SYNPR: variants seen among roughly 807,000 people sequenced by gnomAD.
SYNPR encodes the protein synaptoporin.
SYNPR carries 23 observed loss-of-function variants against 32.9 expected under a neutral mutation model. That is an observed-to-expected ratio of 0.70 (90% confidence interval 0.50 to 0.99). The LOEUF is 0.99. SYNPR is among the 50% of genes least tolerant of loss of function. SYNPR has a pLI of 0.00. For synonymous variants in SYNPR, 146 were observed against 135.9 expected, an observed-to-expected ratio of 1.07 and a Z score of -0.52; for missense variants, 318 against 349.3, an observed-to-expected ratio of 0.91 and a Z score of 0.71.
At chr3:63,396,248 A>G (rs2088211095) in intron 2 of SYNPR, among the ~76,000 whole-genome samples, 1 of 152,246 alleles carries the variant, frequency 6.6e-6, no homozygotes, top group Non-Finnish European at 1.5e-5. Context: ...ATTCATCCAT[A>G]TCACAAGGTT....
In SYNPR at chr3:63,244,815, G is replaced by A. The variant is rs1487414223; in HGVS notation, n.67-7684G>A. On this transcript the variant is annotated intron_variant and non_coding_transcript_variant, in intron 1 of 4. Transcript: ENST00000478456. ...AAAAATAGCTTTCGCTGTCTGCACG[G>A]CTTTTCTTATTTGTATTCTAAGTAA... Among the ~76,000 whole-genome samples, 5 of 152,124 alleles carry A rather than the reference G, an allele frequency of 3.3e-5. No individual in the cohort carries two copies. The East Asian group carries it at 9.7e-4, about 29-fold the overall frequency.
chr3:63,232,277 C>T (rs942245815), intron 1 of SYNPR, among the ~76,000 whole-genome samples: 1 of 134,152 alleles, frequency 7.5e-6, no homozygotes, highest in African/African-American at 2.8e-5. Flanking sequence ...TCTTGGCTCA[C>T]TGCAACCTCC....
At chr3:63,587,986 T>C (rs1703221139) in intron 4 of SYNPR, among the ~76,000 whole-genome samples, 1 of 152,096 alleles carries the variant, frequency 6.6e-6, no homozygotes, top group South Asian at 2.1e-4. Flanking sequence ...TTTTCAAATA[T>C]AGGTTACTGG....
intron 2 of SYNPR, among the ~76,000 whole-genome samples, chr3:63,282,078 G>A (rs1295473220): frequency 6.6e-6 from 1 of 152,202 alleles, no homozygotes; most frequent in East Asian, 1.9e-4. Context: ...CTAATATTCA[G>A]TGCAGCAGAA....
At chr3:63,324,914 C>T (rs2087150131) in intron 2 of SYNPR, among the ~76,000 whole-genome samples, 1 of 152,074 alleles carries the variant, frequency 6.6e-6, no homozygotes, top group Admixed American at 6.6e-5. Context: ...GCAAGAGGCA[C>T]ATGTTTTCCT....
intron 2 of SYNPR, among the ~76,000 whole-genome samples, chr3:63,398,153 TG>T (rs2088241672): frequency 6.6e-6 from 1 of 152,212 alleles, no homozygotes; most frequent in Non-Finnish European, 1.5e-5. Context: ...TGTCCTTCTT[TG>T]TCTTCTGTAA....
At chr3:63,538,438 G>A (rs985764283) in intron 3 of SYNPR, among the ~76,000 whole-genome samples, 3 of 150,532 alleles carry the variant, frequency 2.0e-5, no homozygotes, top group Non-Finnish European at 4.4e-5. Context: ...AGTCAGAACT[G>A]TTGGTCACAA....
At chr3:63,343,766 T>C (rs983176350) in intron 2 of SYNPR, among the ~76,000 whole-genome samples, 3 of 152,242 alleles carry the variant, frequency 2.0e-5, no homozygotes, top group Non-Finnish European at 4.4e-5. Flanking sequence ...TTTGACCATT[T>C]GTTTTGTCAG....
At chr3:63,288,120 T>G (rs905865221) in intron 2 of SYNPR, among the ~76,000 whole-genome samples, 2 of 152,208 alleles carry the variant, frequency 1.3e-5, no homozygotes, top group Non-Finnish European at 2.9e-5. Context: ...AAAAATTATT[T>G]TAGTTTGGAC....
At chr3:63,544,379 T>C (rs1221270447) in intron 3 of SYNPR, among the ~76,000 whole-genome samples, 2 of 152,128 alleles carry the variant, frequency 1.3e-5, no homozygotes, top group Non-Finnish European at 2.9e-5. Context: ...TATGGTGATA[T>C]TAATCACTAA....
intron 2 of SYNPR, among the ~76,000 whole-genome samples, chr3:63,260,074 T>A (rs1575578834): frequency 6.6e-6 from 1 of 152,008 alleles, no homozygotes; most frequent in East Asian, 1.9e-4. Flanking sequence ...TAAAAGAGGA[T>A]ACAAACAAAT....
chr3:63,246,761 G>A (rs1217331726), intron 1 of SYNPR, among the ~76,000 whole-genome samples: 3 of 152,022 alleles, frequency 2.0e-5, no homozygotes, highest in African/African-American at 7.2e-5. Flanking sequence ...CGGGGCCTCA[G>A]GATGTCACAG....
At chr3:63,409,120 A>G (rs2088427757) in intron 2 of SYNPR, among the ~76,000 whole-genome samples, 1 of 152,030 alleles carries the variant, frequency 6.6e-6, no homozygotes, top group African/African-American at 2.4e-5. Flanking sequence ...CATAAACCCT[A>G]TATCATTTGT....
intron 4 of SYNPR, among the ~76,000 whole-genome samples, chr3:63,592,206 G>C (rs1010607975): frequency 5.3e-5 from 8 of 152,136 alleles, no homozygotes; most frequent in Non-Finnish European, 1.0e-4. Flanking sequence ...GCATGGGAGG[G>C]ATTCTCCCTC....
At chr3:63,605,328 TG>T (rs1305159296) in intron 4 of SYNPR, among the ~76,000 whole-genome samples, 3 of 152,152 alleles carry the variant, frequency 2.0e-5, no homozygotes, top group Non-Finnish European at 4.4e-5. Context: ...GAATAGCAAG[TG>T]TGAAGTCCCC....
intron 4 of SYNPR, among the ~76,000 whole-genome samples, chr3:63,573,741 T>G (rs1331944822): frequency 6.6e-6 from 1 of 152,288 alleles, no homozygotes; most frequent in African/African-American, 2.4e-5. Context: ...CATTGTTCTA[T>G]GTCAACCTGG....
intron 4 of SYNPR, among the ~76,000 whole-genome samples, chr3:63,600,639 T>C (rs1700026899): frequency 6.6e-6 from 1 of 152,188 alleles, no homozygotes; most frequent in African/African-American, 2.4e-5. Context: ...GCTGTTCTCA[T>C]GTTAATGAGT....
At chr3:63,484,307 C>T (rs6783555) in intron 3 of SYNPR, among the ~76,000 whole-genome samples, 60,177 of 151,884 alleles carry the variant, frequency 0.4, 11,906 homozygotes, top group Non-Finnish European at 0.43. Context: ...CAATAATATA[C>T]TAAATTTGGT....
chr3:63,585,454 C>CT (rs1046190779), intron 4 of SYNPR, among the ~76,000 whole-genome samples: 2 of 109,142 alleles, frequency 1.8e-5, no homozygotes, highest in Admixed American at 1.6e-4. Flanking sequence ...TCCATGCCCC[C>CT]CCCCTCCGCC....
Sources: allele counts gnomAD v4.1 joint callset (sites outside exome capture counted in the v4.1 genomes callset), GRCh38; gene constraint gnomAD v4.1.1; transcripts MANE v1.5; gene names NCBI Gene and HGNC (gene_info 2026-07-23, HGNC 2026-07-21).